Variants in CREB3L2 observed in about 807,000 individuals in gnomAD.
CREB3L2 encodes cyclic AMP-responsive element-binding protein 3-like protein 2.
CREB3L2 carries 23 observed loss-of-function variants against 57.2 expected under a neutral mutation model. The observed-to-expected ratio is 0.40, with a 90% confidence interval of 0.29 to 0.57. The LOEUF is 0.57. Among genes scored for constraint, CREB3L2 ranks in the 20% least tolerant of loss-of-function variants. The probability of loss-of-function intolerance (pLI) is 0.42; values close to 1 mark genes in which losing one functional copy is unlikely to be tolerated. For missense variants in CREB3L2, 628 were observed against 634.7 expected (o/e 0.99, Z 0.11); for synonymous variants, 268 against 265.1 (o/e 1.01, Z -0.11).
intron 1 of CREB3L2, among the ~76,000 whole-genome samples, chr7:137,931,508 C>T (rs541954119): frequency 7.6e-5 from 10 of 131,804 alleles, no homozygotes; most frequent in African/African-American, 3.0e-4. Flanking sequence ...GGTGACTGAG[C>T]GAGACTCCGT....
rs1799151405 is a variant in CREB3L2 at position 137,876,330 on chromosome 7, AC to A, written c.*4145del. ...ATGAGCATGTAAGGGAGGAATGTGC[AC>A]GTGTGTGTGTGTGTGTGTGTGTGTG... On this transcript the variant is annotated 3_prime_UTR_variant, in exon 12 of 12. Transcript: ENST00000330387. 2 of 172,356 alleles carry A rather than the reference AC, an allele frequency of 1.2e-5. No individual in the cohort carries two copies. Among genetic ancestry groups the A allele is most frequent in the East Asian group, 1.4e-4 (2 of 14,024 alleles). The allele number at this position is 172,356 out of a possible 1,614,324, so 10.7% of individuals were successfully genotyped here.
At chr7:137,979,365 C>T (rs1348240169) in intron 1 of CREB3L2, among the ~76,000 whole-genome samples, 5 of 152,128 alleles carry the variant, frequency 3.3e-5, no homozygotes, top group East Asian at 3.9e-4. Flanking sequence ...ACAGCAAGGG[C>T]GGGTCATCAG....
chr7:137,976,593 C>A (rs1680376745), intron 1 of CREB3L2, among the ~76,000 whole-genome samples: 2 of 152,172 alleles, frequency 1.3e-5, no homozygotes, highest in Non-Finnish European at 2.9e-5. Context: ...CAAACCTACC[C>A]ATTGACATAT....
chr7:137,989,555 A>C (rs1191928702), intron 1 of CREB3L2, among the ~76,000 whole-genome samples: 1 of 144,000 alleles, frequency 6.9e-6, no homozygotes, highest in African/African-American at 2.6e-5. Flanking sequence ...CCTCCCTCTC[A>C]CTCTAACCTT....
At chr7:137,940,699 C>T (rs1388352352) in intron 1 of CREB3L2, among the ~76,000 whole-genome samples, 1 of 152,140 alleles carries the variant, frequency 6.6e-6, no homozygotes, top group African/African-American at 2.4e-5. Context: ...AGATCTAATG[C>T]CAAAAACATC....
rs1326624382 is a variant in CREB3L2, at chr7:137,878,486, C to G, written c.*1990G>C. ...GTGGAGGCCCATGGTTACCAGACAC[C>G]AGCCAGGCCCAACAGGATCTGGGCT... On this transcript the variant is annotated 3_prime_UTR_variant, in exon 12 of 12. Coordinates refer to ENST00000330387, the MANE Select transcript of CREB3L2 (RefSeq NM_194071.4). 8.6e-6 allele frequency: 2 copies of G among 233,258 alleles called. No homozygotes were observed. The highest frequency in any genetic ancestry group is 1.7e-5 in the Non-Finnish European group (2 of 118,236). 14.4% of individuals were successfully genotyped at this position (233,258 alleles called of 1,614,324 possible). A position where few individuals can be genotyped will look rare whatever the true frequency, so the allele number is the denominator to read the frequency against.
Position 137,928,311 on chromosome 7 carries a change from T to C in CREB3L2, c.158A>G (p.Asn53Ser), listed in dbSNP as rs1475855719. 6.2e-7 allele frequency: 1 copy of C among 1,614,148 alleles called. No individual in the cohort carries two copies. Among genetic ancestry groups the C allele is most frequent in the Non-Finnish European group, 8.5e-7 (1 of 1,180,026 alleles). The change falls in exon 2 of 12, where the codon AAT becomes AGT. Residue 53 changes from asparagine (N) to serine (S), a missense_variant. Physicochemically the swap from Asn to Ser is conservative, Grantham distance 46 (BLOSUM62 1). Around this residue, in one of 3 missense-constraint regions of CREB3L2, gnomAD observed 339 missense variants for 355.4 expected, o/e 0.95. Transcript: ENST00000330387. ...FSQNVLGQLL[N>S]DPFLSEKSVS... The stretch of plus-strand genomic sequence containing the variant: ...ACTCTTCTCTGAGAGGAAAGGATCA[T>C]TCAGGAGCTGACCCAAGACGTTCTG...
At chr7:137,965,336 T>C (rs1801391297) in intron 1 of CREB3L2, among the ~76,000 whole-genome samples, 1 of 152,164 alleles carries the variant, frequency 6.6e-6, no homozygotes, top group Non-Finnish European at 1.5e-5. Flanking sequence ...CAAATATATT[T>C]ACACTCGTTG....
chr7:137,895,861 C>T (rs1405214078), intron 8 of CREB3L2, among the ~76,000 whole-genome samples: 1 of 152,204 alleles, frequency 6.6e-6, no homozygotes, highest in African/African-American at 2.4e-5. Context: ...CTCTCCACCC[C>T]CCATTTCTGG....
At chr7:137,994,683 T>C (rs1029690644) in intron 1 of CREB3L2, among the ~76,000 whole-genome samples, 2 of 152,186 alleles carry the variant, frequency 1.3e-5, no homozygotes, top group East Asian at 1.9e-4. Flanking sequence ...TGATAGCTCA[T>C]GCCTGTAATC....
intron 8 of CREB3L2, among the ~76,000 whole-genome samples, chr7:137,899,216 G>C (rs1646539): frequency 0.74 from 107,240 of 144,232 alleles, 40,739 homozygotes; most frequent in African/African-American, 0.88. Context: ...GACTTCCCAG[G>C]CAAGGTAGTG....
chr7:137,897,658 T>G (rs927443214), intron 8 of CREB3L2, among the ~76,000 whole-genome samples: 12 of 152,158 alleles, frequency 7.9e-5, no homozygotes, highest in African/African-American at 2.9e-4. Context: ...CCACTGCGCC[T>G]GATCAAGGTA....
chr7:137,946,770 T>G (rs1379425012), intron 1 of CREB3L2, among the ~76,000 whole-genome samples: 2 of 39,944 alleles, frequency 5.0e-5, no homozygotes, highest in Non-Finnish European at 1.2e-4. Flanking sequence ...TATAGTTTAG[T>G]TATCTATATA....
chr7:137,948,877 GTGA>G (rs1417714543), intron 1 of CREB3L2, among the ~76,000 whole-genome samples: 4 of 152,194 alleles, frequency 2.6e-5, no homozygotes, highest in African/African-American at 9.7e-5. Context: ...ATGAGTTTCA[GTGA>G]TGATGATGAA....
rs938700621 is a variant in CREB3L2, at chr7:137,987,105, G to A, written c.102+14499C>T. On this transcript the variant is annotated intron_variant, in intron 1 of 11. Transcript: ENST00000330387. Reference sequence around the variant, plus strand: ...CCTGGAGAGAAAGCTTGCAAACCCAGAGTGGAACCAGAAAAACAATTCCTG... The same window carrying A: ...CCTGGAGAGAAAGCTTGCAAACCCAAAGTGGAACCAGAAAAACAATTCCTG... Among the ~76,000 whole-genome samples, 19 of 152,202 alleles carry A rather than the reference G, an allele frequency of 1.2e-4. 1 individual carries two copies. The highest frequency in any genetic ancestry group is 2.8e-4 in the Non-Finnish European group (19 of 68,036).
At chr7:137,964,293 G>A (rs1801373024) in intron 1 of CREB3L2, among the ~76,000 whole-genome samples, 1 of 152,182 alleles carries the variant, frequency 6.6e-6, no homozygotes, top group South Asian at 2.1e-4. Flanking sequence ...TCCAGCCTAG[G>A]GGACACGAGC....
At position 137,944,414 on chromosome 7, in the gene CREB3L2, A is replaced by T. The variant is rs539043640; in HGVS notation, c.103-16048T>A. On this transcript the variant is annotated intron_variant, in intron 1 of 11. Transcript: ENST00000330387. Reference sequence around the variant, plus strand: ...CTTCTGGCTCACAAAAGAGGTATTTAAAAACTCTGCATGTAGCCTTGGGAA... The same window carrying T: ...CTTCTGGCTCACAAAAGAGGTATTTTAAAACTCTGCATGTAGCCTTGGGAA... Among the ~76,000 whole-genome samples the T allele has an allele frequency of 1.8e-4, 28 of 152,330 alleles. 1 individual carries two copies. The South Asian group carries it at 5.8e-3, about 32-fold the overall frequency.
chr7:137,982,422 T>G (rs555769909), intron 1 of CREB3L2, among the ~76,000 whole-genome samples: 1 of 140,368 alleles, frequency 7.1e-6, no homozygotes, highest in African/African-American at 3.0e-5. Context: ...TTTGGCTGTG[T>G]CCCCACCCAA....
Position 137,928,261 on chromosome 7 carries a change from G to A in CREB3L2, c.208C>T (p.Pro70Ser). 1 of 1,613,924 alleles carries A rather than the reference G, an allele frequency of 6.2e-7. No homozygotes were observed. The highest frequency in any genetic ancestry group is 8.5e-7 in the Non-Finnish European group (1 of 1,179,958). ...TGGATGAGAGGCGCCGGGGACGTCGGGGAAGGTTCCACCTCCATTGACACA... is the reference window on the plus strand; with the variant it reads ...TGGATGAGAGGCGCCGGGGACGTCGAGGAAGGTTCCACCTCCATTGACACA... ...KSVSMEVEPS[P>S]TSPAPLIQAE... is the part of the protein sequence containing the mutation. Residue 70 changes from proline to serine, a missense_variant, in exon 2 of 12, where the codon CCG becomes TCG. Physicochemically the swap from Pro to Ser is moderately conservative, Grantham distance 74. Coordinates refer to ENST00000330387, the MANE Select transcript of CREB3L2 (RefSeq NM_194071.4).
Sources: gnomAD v4.1 joint callset for allele counts (sites outside exome capture counted in the v4.1 genomes callset) on GRCh38, gnomAD v4.1.1 for gene constraint, gnomAD v4.1.1 regional missense constraint, MANE v1.5 for transcripts, NCBI Gene and HGNC (gene_info 2026-07-23, HGNC 2026-07-21) for gene names.